TRPV2: variants seen among roughly 807,000 people sequenced by gnomAD.
The protein encoded by TRPV2 is OTRPC2.
Under a neutral mutation model 91.0 loss-of-function variants are expected in TRPV2, and 58 were observed. That is an observed-to-expected ratio of 0.64 (90% CI 0.52 to 0.79). TRPV2 has a LOEUF of 0.79. Among genes scored for constraint, TRPV2 ranks in the 30% least tolerant of loss-of-function variants. TRPV2 has a pLI of 0.00. For missense variants in TRPV2, 807 were observed against 969.6 expected (o/e 0.83, Z 2.23); for synonymous variants, 417 against 414.8 (o/e 1.01, Z -0.06).
At chr17:16,427,603 G>T in intron 8 of TRPV2, 56 bp downstream of exon 8, 1 of 1,540,974 alleles carries the variant, frequency 6.5e-7, no homozygotes, top group African/African-American at 1.4e-5. Context: ...CTGCTTCAGG[G>T]GGCTTAGAGA....
chr17:16,428,266 G>T (rs754164210), intron 8 of TRPV2, 51 bp from the exon 9 acceptor site: 1 of 1,576,476 alleles, frequency 6.3e-7, no homozygotes, highest in South Asian at 1.1e-5. Context: ...GCCAGCAGGG[G>T]GCATGCGGGA....
At chr17:16,418,769 T>A (rs1335405106) in intron 2 of TRPV2, among the ~76,000 whole-genome samples, 1 of 152,108 alleles carries the variant, frequency 6.6e-6, no homozygotes, top group Non-Finnish European at 1.5e-5. Flanking sequence ...GCCACCCTGG[T>A]GACAGAAAGT....
In TRPV2 at chr17:16,435,388, TC is replaced by T. The variant is rs2093430792; in HGVS notation, c.2194+422del. 6.6e-6 allele frequency among the ~76,000 whole-genome samples: 1 copy of T among 152,136 alleles called. No individual in the cohort carries two copies. Among genetic ancestry groups the T allele is most frequent in the Non-Finnish European group, 1.5e-5 (1 of 68,008 alleles). On this transcript the variant is annotated intron_variant, in intron 14 of 14. Transcript: ENST00000338560. The surrounding 1 kb of genome is among the most constrained non-coding windows in gnomAD (Gnocchi z 4.2). ...CGCAGCCTACAACAGAGGCAGCATCTCCCTGGACCCTCAGAGGAACTGCCCT... is the reference window on the plus strand; with the variant it reads ...CGCAGCCTACAACAGAGGCAGCATCTCCTGGACCCTCAGAGGAACTGCCCT...
intron 3 of TRPV2, 105 bp downstream of exon 3, chr17:16,420,353 C>A: frequency 7.3e-7 from 1 of 1,370,040 alleles, no homozygotes; most frequent in Non-Finnish European, 1.0e-6. Flanking sequence ...TGAGTGTTCT[C>A]AGCAGCCCTC....
chr17:16,433,449 G>A, intron 12 of TRPV2, 125 bp from the exon 13 acceptor site: 1 of 1,388,072 alleles, frequency 7.2e-7, no homozygotes, highest in Non-Finnish European at 9.8e-7. Flanking sequence ...GAATCCGCGT[G>A]TTTAGTTGAC....
At chr17:16,436,640 A>C in intron 14 of TRPV2, 149 bp from the exon 15 acceptor site, 2 of 647,414 alleles carry the variant, frequency 3.1e-6, no homozygotes, top group Non-Finnish European at 2.8e-6. Flanking sequence ...GAGTGAGGGA[A>C]GCAGGGAGAA....
At chr17:16,423,868 C>A in intron 5 of TRPV2, 101 bp downstream of exon 5, 2 of 1,183,220 alleles carry the variant, frequency 1.7e-6, no homozygotes, top group Non-Finnish European at 2.3e-6. Context: ...AGAGCAGTGG[C>A]TTCTCTGCTT....
Position 16,420,179 on chromosome 17 carries a change from G to A in TRPV2, c.265G>A (p.Glu89Lys), listed in dbSNP as rs574975678. 7.4e-6 allele frequency: 12 copies of A among 1,614,120 alleles called. No homozygotes were observed. The highest frequency in any genetic ancestry group is 4.0e-5 in the African/African-American group (3 of 75,062). ...LFNAVSRGVP[E>K]DLAGLPEYLS... is the part of the protein sequence containing the mutation. ...CAATGCGGTCTCCCGGGGTGTCCCCGAGGATCTGGCTGGACTTCCAGAGTA... is the reference window on the plus strand; with the variant it reads ...CAATGCGGTCTCCCGGGGTGTCCCCAAGGATCTGGCTGGACTTCCAGAGTA... Residue 89 changes from glutamate (E) to lysine (K), a missense_variant, in exon 3 of 15, where the codon GAG becomes AAG. By Grantham distance (56) the Glu-to-Lys change is moderately conservative. Coordinates refer to ENST00000338560, the MANE Select transcript of TRPV2 (RefSeq NM_016113.5).
intron 3 of TRPV2, 28 bp downstream of exon 3, chr17:16,420,276 T>C: frequency 6.3e-7 from 1 of 1,582,098 alleles, no homozygotes; most frequent in Non-Finnish European, 8.6e-7. Context: ...GATCCAAGGC[T>C]AGGCATCCTG....
chr17:16,433,587 T>A lies in TRPV2; in HGVS notation c.2003T>A (p.Val668Asp). 1.2e-6 allele frequency: 2 copies of A among 1,614,138 alleles called. No homozygotes were observed. Among genetic ancestry groups the A allele is most frequent in the Non-Finnish European group, 1.7e-6 (2 of 1,180,012 alleles). ...CTTTGTCCCCAGAAAGCCATCTCTG[T>A]CCTGGAGATGGAGAATGGCTATTGG... ...SIWKLQKAISVLEMENGYWWC... is the reference protein window; with the variant it reads ...SIWKLQKAISDLEMENGYWWC... Residue 668 changes from valine to aspartate, a missense_variant, in exon 13 of 15, where the codon GTC becomes GAC. Transcript: ENST00000338560.
Position 16,435,730 on chromosome 17 carries a change from A to T in TRPV2, c.2194+761A>T, listed in dbSNP as rs1260369746. 6.6e-6 allele frequency among the ~76,000 whole-genome samples: 1 copy of T among 151,754 alleles called. No individual in the cohort carries two copies. Among genetic ancestry groups the T allele is most frequent in the East Asian group, 1.9e-4 (1 of 5,168 alleles). ...CACTTGCTTGTGCCTGTTGCCCCCC[A>T]CAATAGCCTCCTGAGTCTCCCATGG... On this transcript the variant is annotated intron_variant, in intron 14 of 14. Transcript: ENST00000338560. This position sits in a 1 kb window ranked among gnomAD's most constrained non-coding sequence, Gnocchi z 4.2.
chr17:16,420,128 A>G lies in TRPV2; in HGVS notation c.214A>G (p.Asn72Asp). 6.2e-7 allele frequency: 1 copy of G among 1,613,300 alleles called. No individual in the cohort carries two copies. Among genetic ancestry groups the G allele is most frequent in the Non-Finnish European group, 8.5e-7 (1 of 1,179,394 alleles). Residue 72 changes from asparagine (N) to aspartate (D), a missense_variant, in exon 3 of 15, where the codon AAC becomes GAC. Asn to Asp is a conservative substitution (Grantham distance 23, BLOSUM62 1). Transcript: ENST00000338560. ...CATCCTCCACAGTCAGCCGGATCCA[A>G]ACCGATTTGACCGAGATCGGCTCTT... is the stretch of plus-strand genomic sequence containing the variant. Reference protein sequence around the residue: ...KGTGASQPDPNRFDRDRLFNA... With the variant: ...KGTGASQPDPDRFDRDRLFNA...
chr17:16,419,971 C>G, intron 2 of TRPV2, 144 bp from the exon 3 acceptor site: 1 of 1,243,450 alleles, frequency 8.0e-7, no homozygotes, highest in Non-Finnish European at 1.1e-6. Context: ...GATAGAGGCC[C>G]TCAGAAGGGC....
intron 3 of TRPV2, among the ~76,000 whole-genome samples, chr17:16,422,322 C>CAA (rs5819570): frequency 2.0e-4 from 19 of 92,768 alleles, no homozygotes; most frequent in Non-Finnish European, 3.9e-4. Context: ...GACTCTGTCT[C>CAA]AAAAAAAAAA....
chr17:16,436,719 GT>G, intron 14 of TRPV2, 69 bp from the exon 15 acceptor site: 1 of 1,155,978 alleles, frequency 8.7e-7, no homozygotes, highest in Non-Finnish European at 1.3e-6. Flanking sequence ...CTGTGGCCCC[GT>G]TTCCCTGGTG....
rs1427241507 is a variant in TRPV2, at chr17:16,422,668, T to A, written c.404T>A (p.Ile135Asn). The part of the protein sequence containing the change: ...LNLKDGVNAC[I>N]LPLLQIDRDS... ...CTTAAGGACGGAGTCAATGCCTGCATTCTGCCACTGCTGCAGATCGACAGG... is the reference window on the plus strand; with the variant it reads ...CTTAAGGACGGAGTCAATGCCTGCAATCTGCCACTGCTGCAGATCGACAGG... The change falls in exon 4 of 15, where the codon ATT becomes AAT. Residue 135 changes from isoleucine to asparagine, a missense_variant. Transcript: ENST00000338560. 1 of 1,613,960 alleles carries A rather than the reference T, an allele frequency of 6.2e-7. No individual in the cohort carries two copies. Among genetic ancestry groups the A allele is most frequent in the Non-Finnish European group, 8.5e-7 (1 of 1,179,930 alleles).
At position 16,434,902 on chromosome 17, in the gene TRPV2, G is replaced by T. The variant is rs371267643; in HGVS notation, c.2127G>T (p.Val709=). ...DERWCFRVEE[V]NWASWEQTLP... ...CTGTTGCCCTCAGGGTGGAGGAGGT[G>T]AACTGGGCTTCATGGGAGCAGACGC... The change falls in exon 14 of 15, where the codon GTG becomes GTT. Residue 709 remains valine (V), a synonymous_variant. Coordinates refer to ENST00000338560, the MANE Select transcript of TRPV2 (RefSeq NM_016113.5). The T allele has an allele frequency of 3.1e-6, 5 of 1,611,954 alleles. No individual in the cohort carries two copies. The highest frequency in any genetic ancestry group is 4.2e-6 in the Non-Finnish European group (5 of 1,179,406).
Position 16,423,597 on chromosome 17 carries a change from C to G in TRPV2, c.754C>G (p.Leu252Val), listed in dbSNP as rs1358829772. The G allele has an allele frequency of 3.7e-6, 6 of 1,614,210 alleles. No individual in the cohort carries two copies. The highest frequency in any genetic ancestry group is 5.1e-6 in the Non-Finnish European group (6 of 1,180,030). The change falls in exon 5 of 15, where the codon CTA (leucine) becomes GTA (valine). Residue 252 changes from leucine to valine, a missense_variant. By Grantham distance (32) the Leu-to-Val change is conservative. Coordinates refer to ENST00000338560, the MANE Select transcript of TRPV2 (RefSeq NM_016113.5). ...DSQGNTVLHALVMISDNSAEN... is the reference protein window; with the variant it reads ...DSQGNTVLHAVVMISDNSAEN... The stretch of plus-strand genomic sequence containing the variant: ...CCAGGGCAACACAGTCCTGCATGCC[C>G]TAGTGATGATCTCGGACAACTCAGC...
Position 16,435,437 on chromosome 17 carries a change from C to T in TRPV2, c.2194+468C>T, listed in dbSNP as rs2093430915. On this transcript the variant is annotated intron_variant, in intron 14 of 14. Coordinates refer to ENST00000338560, the MANE Select transcript of TRPV2 (RefSeq NM_016113.5). The surrounding 1 kb of genome is among the most constrained non-coding windows in gnomAD (Gnocchi z 4.2). ...CCTGCATAGGCCCTTAGTCCCTTCACACCCCAAGTCCCCCACCTCTGAGAA... is the reference window on the plus strand; with the variant it reads ...CCTGCATAGGCCCTTAGTCCCTTCATACCCCAAGTCCCCCACCTCTGAGAA... Among the ~76,000 whole-genome samples, 1 of 152,174 alleles carries T rather than the reference C, an allele frequency of 6.6e-6. No individual in the cohort carries two copies. Among genetic ancestry groups the T allele is most frequent in the Admixed American group, 6.5e-5 (1 of 15,274 alleles).
Sources: allele counts gnomAD v4.1 joint callset (sites outside exome capture counted in the v4.1 genomes callset), GRCh38; gene constraint gnomAD v4.1.1; non-coding constraint Gnocchi (gnomAD v3.1); transcripts MANE v1.5; gene names NCBI Gene and HGNC (gene_info 2026-07-23, HGNC 2026-07-21).